The following AKAP19 variants were observed in gnomAD, a reference collection of about 807,000 sequenced individuals.
AKAP19 encodes the protein small A-kinase anchoring protein.
At chr2:190,178,445 G>A in the AKAP19 span, among the ~76,000 whole-genome samples, 1 of 152,202 alleles carries the variant, frequency 6.6e-6, no homozygotes, top group Non-Finnish European at 1.5e-5. The surrounding 1 kb of genome is among the most constrained non-coding windows in gnomAD (Gnocchi z 6.3). Context: ...GGGTGGTGGT[G>A]CGGTCTCCCC....
At chr2:189,956,177 C>CTTTTTTTTTTTTTTTTT in the AKAP19 span, among the ~76,000 whole-genome samples, 38 of 122,924 alleles carry the variant, frequency 3.1e-4, 1 homozygote, top group East Asian at 4.5e-4. Flanking sequence ...TCTTTTTTTT[C>CTTTTTTTTTTTTTTTTT]TTTTTTTTTT....
At chr2:190,166,430 C>A in the AKAP19 span, among the ~76,000 whole-genome samples, 1 of 141,774 alleles carries the variant, frequency 7.1e-6, no homozygotes, top group East Asian at 2.1e-4. Context: ...TGCTTTCCAA[C>A]TCATTTTATA....
the AKAP19 span, among the ~76,000 whole-genome samples, chr2:189,993,126 C>A: frequency 6.6e-6 from 1 of 152,182 alleles, no homozygotes; most frequent in African/African-American, 2.4e-5. Flanking sequence ...CAACTTTTCC[C>A]TGTTCAGTAT....
At chr2:189,949,592 G>T in the AKAP19 span, among the ~76,000 whole-genome samples, 2 of 148,632 alleles carry the variant, frequency 1.3e-5, no homozygotes, top group East Asian at 1.9e-4. Flanking sequence ...AATTATGTAT[G>T]CATAGGTAAA....
chr2:190,087,152 T>C, the AKAP19 span, among the ~76,000 whole-genome samples: 6 of 152,220 alleles, frequency 3.9e-5, no homozygotes, highest in African/African-American at 1.2e-4. Flanking sequence ...TTGGGAAATA[T>C]ACAATAACTT....
At chr2:190,043,356 C>T in the AKAP19 span, among the ~76,000 whole-genome samples, 68 of 152,300 alleles carry the variant, frequency 4.5e-4, no homozygotes, top group Non-Finnish European at 8.8e-4. Context: ...GGCCCCTTTA[C>T]ATAATGCCAT....
chr2:190,006,774 T>G, the AKAP19 span, among the ~76,000 whole-genome samples: 1 of 151,772 alleles, frequency 6.6e-6, no homozygotes, highest in Non-Finnish European at 1.5e-5. Context: ...ATCCCAGCAC[T>G]TTGGGAGGCC....
At chr2:189,968,154 G>A in the AKAP19 span, among the ~76,000 whole-genome samples, 1 of 151,556 alleles carries the variant, frequency 6.6e-6, no homozygotes, top group Non-Finnish European at 1.5e-5. Flanking sequence ...TATAGAAGAA[G>A]TGGGACAAAT....
At chr2:190,062,350 T>C in the AKAP19 span, 5 of 1,613,286 alleles carry the variant, frequency 3.1e-6, no homozygotes, top group Non-Finnish European at 4.2e-6. Context: ...GGAGGAGCTT[T>C]GGGTAAAAGT....
the AKAP19 span, among the ~76,000 whole-genome samples, chr2:190,171,853 C>A: frequency 6.6e-6 from 1 of 152,088 alleles, no homozygotes; most frequent in Non-Finnish European, 1.5e-5. Context: ...TACGGTAGGC[C>A]AGGTCAATAT....
chr2:190,203,362 T>TA, the AKAP19 span: 1 of 167,038 alleles, frequency 6.0e-6, no homozygotes, highest in Non-Finnish European at 1.5e-5. Flanking sequence ...TTTCAAAACT[T>TA]AAGTTTTATT....
At chr2:189,968,389 G>T in the AKAP19 span, among the ~76,000 whole-genome samples, 1 of 151,948 alleles carries the variant, frequency 6.6e-6, no homozygotes, top group Non-Finnish European at 1.5e-5. Flanking sequence ...AGGCAAGTAC[G>T]ACTATGCCTG....
chr2:189,923,155 A>T, the AKAP19 span, among the ~76,000 whole-genome samples: 1 of 152,174 alleles, frequency 6.6e-6, no homozygotes, highest in African/African-American at 2.4e-5. Flanking sequence ...CATCTCTAAA[A>T]AAATAAATAA....
chr2:190,082,287 C>T, the AKAP19 span, among the ~76,000 whole-genome samples: 1 of 152,224 alleles, frequency 6.6e-6, no homozygotes, highest in African/African-American at 2.4e-5. Context: ...TTGGCCACCC[C>T]ATTCAGCATA....
the AKAP19 span, among the ~76,000 whole-genome samples, chr2:190,174,465 A>G: frequency 0.19 from 28,766 of 152,184 alleles, 3,442 homozygotes; most frequent in Middle Eastern, 0.32. Context: ...GTCTTCAGTT[A>G]TGTGGCTATG....
the AKAP19 span, among the ~76,000 whole-genome samples, chr2:189,940,845 C>T: frequency 0.18 from 27,572 of 151,536 alleles, 2,560 homozygotes; most frequent in Middle Eastern, 0.25. Flanking sequence ...GAGCCGAGAT[C>T]GTGCCACTGC....
At chr2:190,073,163 G>T in the AKAP19 span, among the ~76,000 whole-genome samples, 1 of 152,074 alleles carries the variant, frequency 6.6e-6, no homozygotes, top group Admixed American at 6.5e-5. Context: ...AGAATTAAAA[G>T]AGTATACTGC....
At chr2:190,126,477 GC>G in the AKAP19 span, among the ~76,000 whole-genome samples, 1 of 151,680 alleles carries the variant, frequency 6.6e-6, no homozygotes, top group East Asian at 1.9e-4. Flanking sequence ...CTTGAGTAGT[GC>G]CATGATTCTC....
chr2:190,041,207 G>T, the AKAP19 span, among the ~76,000 whole-genome samples: 4 of 151,914 alleles, frequency 2.6e-5, no homozygotes, highest in African/African-American at 9.7e-5. Context: ...TCTGTGTTTT[G>T]TAATTCTCAT....
Sources: gnomAD v4.1 joint callset for allele counts (sites outside exome capture counted in the v4.1 genomes callset) on GRCh38, gnomAD v4.1.1 for gene constraint, Gnocchi (gnomAD v3.1) non-coding constraint, MANE v1.5 for transcripts, NCBI Gene and HGNC (gene_info 2026-07-23, HGNC 2026-07-21) for gene names.